Variants in ROBO2 observed in about 807,000 individuals in gnomAD.
The protein encoded by ROBO2 is roundabout guidance receptor 2, also known as roundabout homolog 2.
In ROBO2, 53 loss-of-function variants were observed where a neutral mutation model predicts 160.8. That is an observed-to-expected ratio of 0.33 (90% CI 0.26 to 0.41). The LOEUF is 0.41. Among genes scored for constraint, ROBO2 ranks in the 10% least tolerant of loss-of-function variants. ROBO2 has a pLI of 1.00. For synonymous variants in ROBO2, 664 were observed against 611.7 expected (o/e 1.09, Z -1.26); for missense variants, 1,577 against 1,722.4 (o/e 0.92, Z 1.49).
At chr3:77,003,114 T>G (rs1559829258) in intron 2 of ROBO2, among the ~76,000 whole-genome samples, 1 of 152,216 alleles carries the variant, frequency 6.6e-6, no homozygotes, top group African/African-American at 2.4e-5. Context: ...GTGAATATAG[T>G]CAATGCATAA....
chr3:76,806,668 C>T (rs1280800059), intron 2 of ROBO2, among the ~76,000 whole-genome samples: 1 of 151,998 alleles, frequency 6.6e-6, no homozygotes, highest in Non-Finnish European at 1.5e-5. Context: ...TTCCCAACAG[C>T]GTTTAATGAG....
Position 77,297,936 on chromosome 3 carries a change from G to A in ROBO2, c.389-179478G>A, listed in dbSNP as rs115134178. On this transcript the variant is annotated intron_variant, in intron 2 of 25. Transcript: ENST00000461745. The stretch of plus-strand genomic sequence containing the variant: ...TAACAGAGGTCAGAAAGAGTAGAAA[G>A]AGTCGTTGGACATGGGCCAAGAAGG... Among the ~76,000 whole-genome samples the A allele has an allele frequency of 2.1e-3, 314 of 152,272 alleles. 2 individuals carry two copies. The highest frequency in any genetic ancestry group is 7.2e-3 in the African/African-American group (301 of 41,562).
chr3:76,125,010 C>T (rs2070914939), intron 2 of ROBO2, among the ~76,000 whole-genome samples: 1 of 152,114 alleles, frequency 6.6e-6, no homozygotes, highest in Non-Finnish European at 1.5e-5. Context: ...CTTCCACCTT[C>T]TAGCAGATTG....
At chr3:77,516,488 G>A (rs931457386) in intron 5 of ROBO2, among the ~76,000 whole-genome samples, 1 of 151,534 alleles carries the variant, frequency 6.6e-6, no homozygotes, top group African/African-American at 2.4e-5. Context: ...AAAACACAAA[G>A]CTTACATTGT....
At chr3:77,432,196 T>A (rs1481758549) in intron 2 of ROBO2, among the ~76,000 whole-genome samples, 2 of 152,150 alleles carry the variant, frequency 1.3e-5, no homozygotes, top group African/African-American at 4.8e-5. Context: ...AAGTCATTTG[T>A]ATGGTCAAGC....
chr3:76,591,771 TAG>T (rs1481427093), intron 2 of ROBO2, among the ~76,000 whole-genome samples: 1 of 152,142 alleles, frequency 6.6e-6, no homozygotes, highest in Non-Finnish European at 1.5e-5. Context: ...GTTTATGAAC[TAG>T]ATATTTAAAT....
At chr3:77,408,100 A>C (rs901253312) in intron 2 of ROBO2, among the ~76,000 whole-genome samples, 8 of 143,152 alleles carry the variant, frequency 5.6e-5, no homozygotes, top group South Asian at 2.3e-4. Context: ...CAAAAACAAA[A>C]AAAAAAATAA....
At chr3:75,962,451 T>C (rs1441172825) in intron 2 of ROBO2, among the ~76,000 whole-genome samples, 2 of 151,880 alleles carry the variant, frequency 1.3e-5, no homozygotes, top group African/African-American at 2.4e-5. Flanking sequence ...TGTTTAACTT[T>C]GGATAATTCA....
At chr3:76,253,125 C>A (rs760570033) in intron 2 of ROBO2, among the ~76,000 whole-genome samples, 27 of 152,014 alleles carry the variant, frequency 1.8e-4, no homozygotes, top group Non-Finnish European at 3.7e-4. Context: ...ACCAAGTTGA[C>A]ACATAATGCT....
intron 2 of ROBO2, among the ~76,000 whole-genome samples, chr3:77,448,380 G>C (rs1225674767): frequency 6.6e-6 from 1 of 152,118 alleles, no homozygotes; most frequent in Non-Finnish European, 1.5e-5. Flanking sequence ...TGGCCATTCA[G>C]CTTCAGTAAA....
At chr3:77,557,615 A>G (rs1374109097) in intron 8 of ROBO2, among the ~76,000 whole-genome samples, 1 of 151,904 alleles carries the variant, frequency 6.6e-6, no homozygotes, top group Non-Finnish European at 1.5e-5. Flanking sequence ...TTCAAATTTT[A>G]ATTTTAATAC....
At chr3:76,426,149 A>G (rs72900515) in intron 2 of ROBO2, among the ~76,000 whole-genome samples, 3,927 of 152,204 alleles carry the variant, frequency 0.026, 162 homozygotes, top group African/African-American at 0.09. Context: ...GGTTTTTGAA[A>G]AAGTTTGGAA....
chr3:77,364,037 A>G (rs1010298112), intron 2 of ROBO2, among the ~76,000 whole-genome samples: 6 of 152,116 alleles, frequency 3.9e-5, no homozygotes, highest in Non-Finnish European at 7.4e-5. Flanking sequence ...AAAAATGAAA[A>G]TCATTTTATC....
intron 2 of ROBO2, among the ~76,000 whole-genome samples, chr3:76,250,477 G>A (rs932499396): frequency 9.9e-5 from 15 of 152,034 alleles, no homozygotes; most frequent in African/African-American, 2.9e-4. Context: ...AGTGTTGTCC[G>A]TGCATAAGTA....
At chr3:77,334,400 T>C (rs2066274899) in intron 2 of ROBO2, among the ~76,000 whole-genome samples, 1 of 152,238 alleles carries the variant, frequency 6.6e-6, no homozygotes, top group African/African-American at 2.4e-5. Flanking sequence ...TCTTTCCTCA[T>C]ACAATCCAAT....
At chr3:77,066,402 G>A (rs2066842774) in intron 1 of ROBO2, among the ~76,000 whole-genome samples, 1 of 152,006 alleles carries the variant, frequency 6.6e-6, no homozygotes, top group Non-Finnish European at 1.5e-5. Context: ...AACTGCAGTT[G>A]GAAAAAAATT....
chr3:77,523,429 A>G (rs982751690), intron 6 of ROBO2, among the ~76,000 whole-genome samples: 3 of 151,390 alleles, frequency 2.0e-5, no homozygotes, highest in Non-Finnish European at 4.4e-5. Flanking sequence ...TTAGAGACTG[A>G]TTTGTGAAGT....
At chr3:76,381,724 A>T (rs563030683) in intron 2 of ROBO2, among the ~76,000 whole-genome samples, 124 of 152,286 alleles carry the variant, frequency 8.1e-4, no homozygotes, top group African/African-American at 2.9e-3. Flanking sequence ...TCCTACAAAT[A>T]TTAAGTCATT....
intron 2 of ROBO2, among the ~76,000 whole-genome samples, chr3:77,441,138 G>T (rs982459644): frequency 2.0e-5 from 3 of 151,970 alleles, no homozygotes; most frequent in Middle Eastern, 3.2e-3. Context: ...ACTGGGGCTT[G>T]TCCCCTTGTG....
Sources: gnomAD v4.1 joint callset for allele counts (sites outside exome capture counted in the v4.1 genomes callset) on GRCh38, gnomAD v4.1.1 for gene constraint, MANE v1.5 for transcripts, NCBI Gene and HGNC (gene_info 2026-07-23, HGNC 2026-07-21) for gene names.